TMEM156: variants seen among roughly 807,000 people sequenced by gnomAD.
TMEM156 encodes the protein transmembrane protein 156.
Under a neutral mutation model 30.5 loss-of-function variants are expected in TMEM156, and 28 were observed. That is an observed-to-expected ratio of 0.92 (90% confidence interval 0.68 to 1.26). TMEM156 has a LOEUF of 1.26. TMEM156 is among the 50% of genes most tolerant of loss of function. TMEM156 has a pLI of 0.00. For missense variants in TMEM156, 351 were observed against 340.6 expected (o/e 1.03, Z -0.24); for synonymous variants, 137 against 119.9 (o/e 1.14, Z -0.93).
In TMEM156 at chr4:38,971,105, C is replaced by G. The variant is rs758668289; in HGVS notation, c.856G>C (p.Val286Leu). The G allele has an allele frequency of 5.0e-6, 8 of 1,614,030 alleles. No homozygotes were observed. The highest frequency in any genetic ancestry group is 3.3e-5 in the Admixed American group (2 of 60,028). ...GGAATTGGGGGAAGCACTTCCTGGA[C>G]TTGATCCAAAGGCAGCCTCTGCGTG... is the stretch of plus-strand genomic sequence containing the variant. ...ETTQRLPLDQVQEVLPPIPEL is the reference protein window; with the variant it reads ...ETTQRLPLDQLQEVLPPIPEL Residue 286 changes from valine (V) to leucine (L), a missense_variant, in exon 6 of 7, where the codon GTC becomes CTC. Physicochemically the swap from Val to Leu is conservative, Grantham distance 32. Coordinates refer to ENST00000381938, the MANE Select transcript of TMEM156 (RefSeq NM_024943.3).
intron 5 of TMEM156, among the ~76,000 whole-genome samples, chr4:38,976,292 A>G (rs1432080411): frequency 8.3e-5 from 7 of 84,764 alleles, no homozygotes; most frequent in Non-Finnish European, 5.0e-5. Context: ...TCCGTCTCAA[A>G]AAAAAAAAAA....
intron 5 of TMEM156, among the ~76,000 whole-genome samples, chr4:38,974,207 CT>C (rs35330425): frequency 0.057 from 7,701 of 133,986 alleles, 313 homozygotes; most frequent in African/African-American, 0.12. Context: ...TTCTTTCTCT[CT>C]TTTTTTTTTT....
intron 2 of TMEM156, among the ~76,000 whole-genome samples, chr4:38,995,227 A>C (rs113315971): frequency 9.0e-4 from 137 of 152,318 alleles, no homozygotes; most frequent in African/African-American, 3.0e-3. Flanking sequence ...ACCTCATCTT[A>C]ACTACATCTA....
At chr4:39,020,702 A>G (rs1714810565) in intron 1 of TMEM156, among the ~76,000 whole-genome samples, 1 of 152,020 alleles carries the variant, frequency 6.6e-6, no homozygotes. Context: ...GGCACATGCC[A>G]CCATGTCCAG....
At chr4:39,006,804 G>C (rs187864717) in intron 1 of TMEM156, among the ~76,000 whole-genome samples, 1 of 151,956 alleles carries the variant, frequency 6.6e-6, no homozygotes, top group African/African-American at 2.4e-5. Flanking sequence ...TTAGCCAGGC[G>C]TGGTAGTGCG....
chr4:39,028,800 T>C (rs1715357116), intron 1 of TMEM156, among the ~76,000 whole-genome samples: 1 of 152,230 alleles, frequency 6.6e-6, no homozygotes, highest in African/African-American at 2.4e-5. Flanking sequence ...TATCTACATG[T>C]AATATAAATG....
intron 1 of TMEM156, among the ~76,000 whole-genome samples, chr4:39,006,446 TA>T (rs1304371835): frequency 7.9e-5 from 12 of 152,336 alleles, no homozygotes; most frequent in African/African-American, 2.4e-4. Flanking sequence ...CTTATCTATT[TA>T]TTTTTTTTGA....
intron 5 of TMEM156, among the ~76,000 whole-genome samples, chr4:38,977,563 A>G (rs1387645738): frequency 6.6e-6 from 1 of 152,218 alleles, no homozygotes; most frequent in Non-Finnish European, 1.5e-5. Context: ...AACGGGTGGA[A>G]ATTTTTTCTG....
chr4:38,967,797 G>T (rs780752428), intron 6 of TMEM156, among the ~76,000 whole-genome samples, 156 bp from the exon 7 acceptor site: 2 of 152,186 alleles, frequency 1.3e-5, no homozygotes, highest in African/African-American at 2.4e-5. Flanking sequence ...CTGATTCAGG[G>T]CTCTTTCAGG....
At chr4:39,028,706 T>C (rs1715352383) in intron 1 of TMEM156, 1 of 152,226 alleles carries the variant, frequency 6.6e-6, no homozygotes, top group African/African-American at 2.4e-5. Context: ...GTTGGAAAGT[T>C]TCTTATTTGG....
intron 5 of TMEM156, among the ~76,000 whole-genome samples, chr4:38,973,943 G>A (rs558583725): frequency 4.6e-5 from 7 of 152,094 alleles, no homozygotes; most frequent in African/African-American, 1.7e-4. Flanking sequence ...TGCATTTTTA[G>A]TATAACCAAC....
At chr4:39,014,183 A>G (rs1017354668) in intron 1 of TMEM156, among the ~76,000 whole-genome samples, 4 of 152,218 alleles carry the variant, frequency 2.6e-5, no homozygotes, top group Non-Finnish European at 4.4e-5. Flanking sequence ...CCCCTGAATA[A>G]GCTATAAGTG....
intron 4 of TMEM156, among the ~76,000 whole-genome samples, chr4:38,986,960 G>A (rs1241178738): frequency 6.8e-6 from 1 of 148,030 alleles, no homozygotes; most frequent in Non-Finnish European, 1.5e-5. Context: ...AACATTTAAT[G>A]TGCTAAGTAG....
intron 6 of TMEM156, among the ~76,000 whole-genome samples, chr4:38,970,647 T>C (rs147680101): frequency 1.2e-3 from 181 of 152,336 alleles, no homozygotes; most frequent in Non-Finnish European, 2.2e-3. Flanking sequence ...GATTATCAGA[T>C]GTTACATTTA....
chr4:39,018,819 G>A (rs1341808550), intron 1 of TMEM156, among the ~76,000 whole-genome samples: 5 of 151,970 alleles, frequency 3.3e-5, no homozygotes, highest in Admixed American at 6.6e-5. Context: ...TCAAGAGTTC[G>A]AGACCAGCCT....
chr4:38,976,146 G>T (rs555845758), intron 5 of TMEM156, among the ~76,000 whole-genome samples: 1 of 152,062 alleles, frequency 6.6e-6, no homozygotes, highest in African/African-American at 2.4e-5. Flanking sequence ...AATTAGCTGG[G>T]CATGGTGGTG....
At chr4:39,027,148 A>T (rs917770852) in intron 1 of TMEM156, among the ~76,000 whole-genome samples, 2 of 152,230 alleles carry the variant, frequency 1.3e-5, no homozygotes, top group African/African-American at 4.8e-5. Flanking sequence ...GGCACATGTA[A>T]ATGTATTTGT....
intron 5 of TMEM156, chr4:38,980,908 A>G (rs1242090413): frequency 1.7e-5 from 17 of 984,198 alleles, no homozygotes; most frequent in Non-Finnish European, 1.9e-5. Context: ...CCTGACATAT[A>G]TGCCTGTCAC....
intron 1 of TMEM156, among the ~76,000 whole-genome samples, chr4:39,009,823 C>T (rs1315811994): frequency 6.6e-6 from 1 of 152,066 alleles, no homozygotes; most frequent in Non-Finnish European, 1.5e-5. Context: ...AAGTGCTCTT[C>T]CTAAGAATGA....
Sources: gnomAD v4.1 joint callset for allele counts (sites outside exome capture counted in the v4.1 genomes callset) on GRCh38, gnomAD v4.1.1 for gene constraint, MANE v1.5 for transcripts, NCBI Gene and HGNC (gene_info 2026-07-23, HGNC 2026-07-21) for gene names.